KCNAB2: variants seen among roughly 807,000 people sequenced by gnomAD.
KCNAB2 encodes the protein voltage-gated potassium channel subunit beta-2.
Under a neutral mutation model 63.6 loss-of-function variants are expected in KCNAB2, and 29 were observed. The observed-to-expected ratio is 0.46, with a 90% CI of 0.34 to 0.62. The LOEUF is 0.62. KCNAB2 is among the 20% of genes least tolerant of loss of function. KCNAB2 has a pLI of 0.01. For synonymous variants in KCNAB2, 222 were observed against 224.2 expected, an observed-to-expected ratio of 0.99 and a Z score of 0.09; for missense variants, 359 against 563.9, an observed-to-expected ratio of 0.64 and a Z score of 3.68.
intron 2 of KCNAB2, among the ~76,000 whole-genome samples, chr1:6,058,395 C>T (rs747214443): frequency 6.6e-6 from 1 of 152,068 alleles, no homozygotes; most frequent in Non-Finnish European, 1.5e-5. Context: ...GGGAGGAACC[C>T]GGGCTCCCAC....
intron 2 of KCNAB2, among the ~76,000 whole-genome samples, chr1:6,059,549 G>A (rs113174566): frequency 1.8e-3 from 277 of 152,284 alleles, no homozygotes; most frequent in African/African-American, 5.2e-3. Context: ...ATCTTCCCCT[G>A]GAGGCTCTTC....
chr1:6,052,342 C>G (rs764551858), intron 2 of KCNAB2, among the ~76,000 whole-genome samples: 2 of 151,924 alleles, frequency 1.3e-5, no homozygotes, highest in Non-Finnish European at 2.9e-5. Context: ...GGAGGATTAC[C>G]TGAGCCCAAA....
intron 6 of KCNAB2, chr1:6,085,613 G>A: frequency 4.7e-6 from 1 of 211,466 alleles, no homozygotes; most frequent in South Asian, 8.2e-5. Flanking sequence ...AGAAGATGTG[G>A]GTGCAAAGCA....
chr1:6,062,075 G>A (rs1292471547), intron 2 of KCNAB2, among the ~76,000 whole-genome samples: 2 of 152,122 alleles, frequency 1.3e-5, no homozygotes, highest in East Asian at 3.9e-4. Flanking sequence ...CATTTTAGAA[G>A]CCCAAGGCAG....
At chr1:5,999,017 G>T (rs961178949) in intron 1 of KCNAB2, among the ~76,000 whole-genome samples, 2 of 152,248 alleles carry the variant, frequency 1.3e-5, no homozygotes, top group Non-Finnish European at 2.9e-5. Flanking sequence ...AGACGAAGCC[G>T]CTTTGCTGCT....
At position 6,024,764 on chromosome 1, in the gene KCNAB2, G is replaced by A. The variant is rs115572062; in HGVS notation, c.-52-15753G>A. Among the ~76,000 whole-genome samples the A allele has an allele frequency of 9.9e-3, 1,503 of 152,314 alleles. 13 individuals carry two copies. The highest frequency in any genetic ancestry group is 0.016 in the Non-Finnish European group (1,112 of 68,022). On this transcript the variant is annotated intron_variant, in intron 1 of 16. Coordinates refer to the KCNAB2 transcript ENST00000341524. The surrounding 1 kb of genome is among the most constrained non-coding windows in gnomAD (Gnocchi z 5.4). Reference sequence around the variant, plus strand: ...CTCTGGGAGGCAGCAGAGGTCACCTGTCCAGAGCCAGAGTTCCATGGGGGG... The same window carrying A: ...CTCTGGGAGGCAGCAGAGGTCACCTATCCAGAGCCAGAGTTCCATGGGGGG...
intron 1 of KCNAB2, among the ~76,000 whole-genome samples, chr1:6,036,671 C>T (rs914908582): frequency 1.3e-5 from 2 of 152,100 alleles, no homozygotes; most frequent in South Asian, 2.1e-4. Flanking sequence ...ACTGTGGGGC[C>T]GGTTCACTGG....
chr1:6,097,846 T>A, intron 15 of KCNAB2: 1 of 242,958 alleles, frequency 4.1e-6, no homozygotes. Context: ...GACTTCTGAG[T>A]GAGACGGGAG....
chr1:6,041,629 C>T, upstream of KCNAB2: 3 of 579,246 alleles, frequency 5.2e-6, no homozygotes, highest in South Asian at 6.1e-5. Flanking sequence ...GCCCCGTGGC[C>T]ACCGGGTGGC....
intron 4 of KCNAB2, among the ~76,000 whole-genome samples, chr1:6,075,603 G>C (rs1663591120): frequency 6.6e-6 from 1 of 152,222 alleles, no homozygotes; most frequent in Admixed American, 6.5e-5. Flanking sequence ...ATCTAGAAGG[G>C]GGGGCCCGCC....
At chr1:6,092,803 A>G (rs1665300141) in intron 10 of KCNAB2, among the ~76,000 whole-genome samples, 1 of 152,226 alleles carries the variant, frequency 6.6e-6, no homozygotes, top group African/African-American at 2.4e-5. Flanking sequence ...GGGGACAGAG[A>G]GGATTCCCAG....
chr1:6,019,856 C>T (rs189294126), intron 1 of KCNAB2, among the ~76,000 whole-genome samples: 43 of 152,342 alleles, frequency 2.8e-4, no homozygotes, highest in Admixed American at 6.5e-4. Context: ...GGCAGGTGTC[C>T]TCAGATGCTC....
intron 2 of KCNAB2, among the ~76,000 whole-genome samples, chr1:6,065,002 C>T (rs1215653565): frequency 4.6e-5 from 7 of 152,220 alleles, no homozygotes; most frequent in South Asian, 2.1e-4. Context: ...TTGACCCCCG[C>T]GTTTCCTTCC....
chr1:5,999,998 T>C (rs1320958473), intron 1 of KCNAB2, among the ~76,000 whole-genome samples: 1 of 151,172 alleles, frequency 6.6e-6, no homozygotes, highest in Admixed American at 6.6e-5. Flanking sequence ...TGCTCTGCTG[T>C]CTGCACCCTC....
At chr1:6,037,779 G>T (rs1660163631) in intron 1 of KCNAB2, among the ~76,000 whole-genome samples, 1 of 151,884 alleles carries the variant, frequency 6.6e-6, no homozygotes, top group South Asian at 2.1e-4. Flanking sequence ...GTGCTGCAGG[G>T]ATTCAATCAC....
rs11589347 is a variant in KCNAB2, at chr1:6,051,697, G to A, written c.161G>A (p.Arg54His). 56,738 of 1,533,782 alleles carry A rather than the reference G, an allele frequency of 0.037. 1,227 individuals are homozygous for A. The highest frequency in any genetic ancestry group is 0.043 in the Non-Finnish European group (49,048 of 1,146,664). Residue 54 changes from arginine (R) to histidine (H), a missense_variant, in exon 2 of 16, where the codon CGC becomes CAC. By Grantham distance (29) the Arg-to-His change is conservative (BLOSUM62 0). Around this residue, in one of 2 missense-constraint regions of KCNAB2, gnomAD observed 88 missense variants for 87.8 expected, o/e 1.00. Coordinates refer to ENST00000378083, the MANE Select transcript of KCNAB2 (RefSeq NM_001199862.2). ...AQARNMESFL[R>H]MHGLSLDGCT... ...GCCAGGAACATGGAGAGCTTCCTCC[G>A]CATGCACGGCCTTTCCCTGGACGGC... is the stretch of plus-strand genomic sequence containing the variant.
chr1:6,085,314 C>T, intron 6 of KCNAB2, 66 bp downstream of exon 6: 3 of 1,443,464 alleles, frequency 2.1e-6, no homozygotes, highest in South Asian at 1.1e-5. Flanking sequence ...CAGGGTCAGC[C>T]TCGTCGGCCT....
chr1:6,041,958 T>A, upstream of KCNAB2: 1 of 1,224,500 alleles, frequency 8.2e-7, no homozygotes, highest in Non-Finnish European at 1.2e-6. Flanking sequence ...GAGCAGGGTG[T>A]GCTGGTGTAT....
At chr1:6,041,487 C>A (rs756271747), upstream of KCNAB2, 8 of 317,436 alleles carry the variant, frequency 2.5e-5, no homozygotes, top group Non-Finnish European at 4.2e-5. Flanking sequence ...AGCCATTGCC[C>A]ACAAGCATAT....
Sources: allele counts gnomAD v4.1 joint callset (sites outside exome capture counted in the v4.1 genomes callset), GRCh38; gene constraint gnomAD v4.1.1; regional missense constraint gnomAD v4.1.1; non-coding constraint Gnocchi (gnomAD v3.1); transcripts MANE v1.5; gene names NCBI Gene and HGNC (gene_info 2026-07-23, HGNC 2026-07-21).